The following FOXO1 variants were observed in gnomAD, a reference collection of about 807,000 sequenced individuals.
FOXO1 encodes the protein forkhead box protein O1.
In FOXO1, 6 loss-of-function variants were observed where a neutral mutation model predicts 44.1. The ratio of observed to expected loss-of-function variants is 0.14; its 90% CI spans 0.07 to 0.27. The LOEUF is 0.27. Among genes scored for constraint, FOXO1 ranks in the 10% least tolerant of loss-of-function variants. The pLI is 1.00. For synonymous variants in FOXO1, 380 were observed against 362.7 expected (o/e 1.05, Z -0.54); for missense variants, 737 against 888.8 (o/e 0.83, Z 2.17).
intron 1 of FOXO1, among the ~76,000 whole-genome samples, chr13:40,590,801 G>A (rs1184415314): frequency 6.6e-6 from 1 of 152,098 alleles, no homozygotes; most frequent in Non-Finnish European, 1.5e-5. Context: ...GCTTGAGAGA[G>A]ATTTAAACAT....
intron 1 of FOXO1, among the ~76,000 whole-genome samples, chr13:40,605,273 G>A (rs969467858): frequency 3.9e-5 from 6 of 152,034 alleles, no homozygotes; most frequent in East Asian, 1.9e-4. Flanking sequence ...TTCACTGCTC[G>A]ACCATATCAT....
At position 40,587,266 on chromosome 13, in the gene FOXO1, T is replaced by TAA. The variant is rs34831498; in HGVS notation, c.631-26408_631-26407dup. 6.8e-3 allele frequency among the ~76,000 whole-genome samples: 609 copies of TAA among 89,000 alleles called. 6 individuals are homozygous for TAA. The highest frequency in any genetic ancestry group is 0.016 in the African/African-American group (472 of 29,318). 58.4% of individuals were successfully genotyped at this position (89,000 alleles called of 152,430 possible). On this transcript the variant is annotated intron_variant, in intron 1 of 2. Transcript: ENST00000379561. ...TGCCTGAGAAGGGCTCAGAACAAAG[T>TAA]AAAAAAAAAAAAAAAAAAAGTGGGA...
At chr13:40,566,447 T>C (rs374230389) in intron 1 of FOXO1, among the ~76,000 whole-genome samples, 17 of 152,006 alleles carry the variant, frequency 1.1e-4, no homozygotes, top group African/African-American at 3.6e-4. Context: ...GGCTTGATCT[T>C]GGCTCACTGC....
chr13:40,642,300 C>A (rs4325426), intron 1 of FOXO1, among the ~76,000 whole-genome samples: 62,760 of 151,926 alleles, frequency 0.41, 14,181 homozygotes, highest in East Asian at 0.73. Context: ...GCAACCAAAC[C>A]CCAATCTAGA....
In FOXO1 at chr13:40,559,620, T is replaced by C; in HGVS notation, c.1871A>G (p.Asp624Gly). 1 of 1,614,230 alleles carries C rather than the reference T, an allele frequency of 6.2e-7. No homozygotes were observed. Among genetic ancestry groups the C allele is most frequent in the South Asian group, 1.1e-5 (1 of 91,086 alleles). Residue 624 changes from aspartate to glycine, a missense_variant, in exon 2 of 3, where the codon GAT becomes GGT. By Grantham distance (94) the Asp-to-Gly change is moderately conservative. Coordinates refer to ENST00000379561, the MANE Select transcript of FOXO1 (RefSeq NM_002015.4). The stretch of plus-strand genomic sequence containing the variant: ...AAAGTTAAAATCCAATGTATCTCCA[T>C]CCATGAGGTCATTCCGAATGATGGA... ...MESIIRNDLM[D>G]GDTLDFNFDN...
At position 40,665,621 on chromosome 13, in the gene FOXO1, T is replaced by G; in HGVS notation, c.592A>C (p.Lys198Gln). The change falls in exon 1 of 3, where the codon AAG becomes CAG. Residue 198 changes from lysine to glutamine, a missense_variant. Transcript: ENST00000379561. ...GAGCTGTTGCTGTCACCCTTATCCT[T>G]GAAGTAGGGCACGCTCTTGACCATC... The part of the protein sequence containing the change: ...EWMVKSVPYF[K>Q]DKGDSNSSAG... 1.4e-6 allele frequency: 2 copies of G among 1,479,192 alleles called. No individual in the cohort carries two copies. The highest frequency in any genetic ancestry group is 1.8e-6 in the Non-Finnish European group (2 of 1,101,590). The allele number at this position is 1,479,192 out of a possible 1,614,324, so 91.6% of individuals were successfully genotyped here.
rs774180443 is a variant in FOXO1, at chr13:40,655,637, C to CTTTTT, written c.630+9941_630+9945dup. Among the ~76,000 whole-genome samples the CTTTTT allele has an allele frequency of 7.2e-3, 728 of 101,044 alleles. 10 individuals are homozygous for CTTTTT. The highest frequency in any genetic ancestry group is 0.012 in the East Asian group (37 of 3,022). The allele number at this position is 101,044 out of a possible 152,430, so 66.3% of individuals were successfully genotyped here. ...ATTAGTAAAATAGTTTTCTACACTT[C>CTTTTT]TTTTTTTTTTTTTTTTTTTTTGGCA... is the stretch of plus-strand genomic sequence containing the variant. On this transcript the variant is annotated intron_variant, in intron 1 of 2. Transcript: ENST00000379561.
At chr13:40,609,077 C>T (rs890284948) in intron 1 of FOXO1, among the ~76,000 whole-genome samples, 14 of 152,158 alleles carry the variant, frequency 9.2e-5, no homozygotes, top group Admixed American at 3.9e-4. Context: ...ATGTAAATGT[C>T]CTTCAATTGT....
intron 1 of FOXO1, among the ~76,000 whole-genome samples, chr13:40,576,363 G>C (rs1056637336): frequency 6.6e-6 from 1 of 152,144 alleles, no homozygotes; most frequent in Admixed American, 6.5e-5. Context: ...GCAGAACCTA[G>C]AGCAAAGCGC....
At chr13:40,654,375 G>A (rs981261837) in intron 1 of FOXO1, among the ~76,000 whole-genome samples, 19 of 141,122 alleles carry the variant, frequency 1.3e-4, no homozygotes, top group Non-Finnish European at 1.5e-4. Context: ...GGTGGTGGCC[G>A]CCTGTAATCC....
intron 1 of FOXO1, among the ~76,000 whole-genome samples, chr13:40,602,672 T>C (rs1012793090): frequency 6.6e-6 from 1 of 152,236 alleles, no homozygotes; most frequent in African/African-American, 2.4e-5. Flanking sequence ...TTTAATTTCA[T>C]TCCAACACAA....
intron 1 of FOXO1, among the ~76,000 whole-genome samples, chr13:40,592,848 G>A (rs1875434900): frequency 6.6e-6 from 1 of 152,150 alleles, no homozygotes; most frequent in South Asian, 2.1e-4. Context: ...GGCGTGTACA[G>A]GAGGCATTTC....
chr13:40,565,829 C>A (rs1874248883), intron 1 of FOXO1, among the ~76,000 whole-genome samples: 1 of 152,162 alleles, frequency 6.6e-6, no homozygotes, highest in Non-Finnish European at 1.5e-5. Flanking sequence ...GTTTTACAGA[C>A]CTATGTATGT....
chr13:40,634,345 C>T (rs1411986264), intron 1 of FOXO1, among the ~76,000 whole-genome samples: 1 of 152,168 alleles, frequency 6.6e-6, no homozygotes, highest in Non-Finnish European at 1.5e-5. Context: ...TTACACCTTG[C>T]TGTATAGACA....
At chr13:40,654,322 T>TTAA (rs1441231791) in intron 1 of FOXO1, among the ~76,000 whole-genome samples, 1 of 48,198 alleles carries the variant, frequency 2.1e-5, no homozygotes, top group African/African-American at 6.7e-5. Context: ...CTAAAAATAC[T>TTAA]AAAAAAAAAA....
At chr13:40,643,744 G>A (rs1593412498) in intron 1 of FOXO1, among the ~76,000 whole-genome samples, 1 of 151,740 alleles carries the variant, frequency 6.6e-6, no homozygotes, top group African/African-American at 2.4e-5. Context: ...AAAAAAAAAA[G>A]AAAAAGAAAA....
At chr13:40,600,012 C>T (rs17592371) in intron 1 of FOXO1, among the ~76,000 whole-genome samples, 16,611 of 152,160 alleles carry the variant, frequency 0.11, 1,651 homozygotes, top group East Asian at 0.39. Context: ...AAGAGGAAAA[C>T]TCCAAGAAGC....
intron 1 of FOXO1, chr13:40,618,694 T>C (rs1876505343): frequency 7.3e-6 from 3 of 413,614 alleles, no homozygotes; most frequent in Non-Finnish European, 1.4e-5. Flanking sequence ...TGGCATATGT[T>C]AAAAGCATAT....
intron 1 of FOXO1, among the ~76,000 whole-genome samples, chr13:40,593,159 G>A (rs1055040755): frequency 6.6e-6 from 1 of 152,170 alleles, no homozygotes; most frequent in Admixed American, 6.5e-5. Context: ...GAATAGCTGG[G>A]ACCATAGGCA....
Sources: allele counts gnomAD v4.1 joint callset (sites outside exome capture counted in the v4.1 genomes callset), GRCh38; gene constraint gnomAD v4.1.1; transcripts MANE v1.5; gene names NCBI Gene and HGNC (gene_info 2026-07-23, HGNC 2026-07-21).